CFAP251: variants seen among roughly 807,000 people sequenced by gnomAD.
The protein encoded by CFAP251 is cilia and flagella associated protein 251.
In CFAP251, 93 loss-of-function variants were observed where a neutral mutation model predicts 126.7. The observed-to-expected ratio is 0.73, with a 90% confidence interval of 0.62 to 0.87. CFAP251 has a LOEUF of 0.87. Among genes scored for constraint, CFAP251 ranks in the 40% least tolerant of loss-of-function variants. CFAP251 has a pLI of 0.00. For missense variants in CFAP251, 1,287 were observed against 1,389.2 expected (o/e 0.93, Z 1.17); for synonymous variants, 503 against 506.9 (o/e 0.99, Z 0.10).
At chr12:122,000,133 C>T (rs1185718610) in intron 20 of CFAP251, among the ~76,000 whole-genome samples, 189 bp downstream of exon 20, 4 of 152,276 alleles carry the variant, frequency 2.6e-5, no homozygotes, top group East Asian at 1.9e-4. Flanking sequence ...GGGAGGGACC[C>T]GGAGCTAGAA....
chr12:121,961,222 C>G lies in CFAP251; in HGVS notation c.2307+464C>G, dbSNP rs1271977367. Among the ~76,000 whole-genome samples the G allele has an allele frequency of 4.6e-5, 7 of 152,020 alleles. 1 individual carries two copies. The East Asian group carries it at 1.3e-3, about 29-fold the overall frequency. The stretch of plus-strand genomic sequence containing the variant: ...AAATGGATTCAACCAGTCATTGTAT[C>G]TGTCTGTTTTTCCTTCCTCCCTCCC... On this transcript the variant is annotated intron_variant, in intron 14 of 21. Coordinates refer to ENST00000288912, the MANE Select transcript of CFAP251 (RefSeq NM_144668.6).
At chr12:121,980,406 TTC>T (rs1882591468) in intron 19 of CFAP251, among the ~76,000 whole-genome samples, 1 of 146,022 alleles carries the variant, frequency 6.8e-6, no homozygotes, top group African/African-American at 2.7e-5. Context: ...TCTCACTTCC[TTC>T]TTTTTTTTTT....
chr12:121,928,646 ATATATATATACG>A (rs869308472), intron 3 of CFAP251, among the ~76,000 whole-genome samples: 28 of 20,870 alleles, frequency 1.3e-3, no homozygotes, highest in South Asian at 4.2e-3. Context: ...ACGTATATAT[ATATATATATACG>A]TATATATATA....
intron 17 of CFAP251, among the ~76,000 whole-genome samples, chr12:121,973,246 G>A (rs1400374551): frequency 1.3e-5 from 2 of 152,250 alleles, no homozygotes; most frequent in Admixed American, 6.5e-5. Context: ...CTTTCATGAC[G>A]TGTTGAGCCT....
chr12:121,984,863 G>A, intron 19 of CFAP251, among the ~76,000 whole-genome samples: 1 of 152,162 alleles, frequency 6.6e-6, no homozygotes, highest in East Asian at 1.9e-4. Context: ...ACAGGTTTGG[G>A]CAGGGAATTA....
intron 21 of CFAP251, among the ~76,000 whole-genome samples, chr12:122,002,811 G>A (rs1234643277): frequency 2.0e-5 from 3 of 152,154 alleles, no homozygotes; most frequent in Admixed American, 1.3e-4. Context: ...CCCGGGGATG[G>A]TCAGATCCCA....
At position 121,931,823 on chromosome 12, in the gene CFAP251, G is replaced by C. The variant is rs1437800662; in HGVS notation, c.825G>C (p.Leu275=). 1.2e-6 allele frequency: 2 copies of C among 1,606,728 alleles called. No homozygotes were observed. Among genetic ancestry groups the C allele is most frequent in the Non-Finnish European group, 1.7e-6 (2 of 1,177,050 alleles). Residue 275 remains leucine, a synonymous_variant, in exon 4 of 22, where the codon CTG becomes CTC. Coordinates refer to ENST00000288912, the MANE Select transcript of CFAP251 (RefSeq NM_144668.6). ...GAGAGGAAAGGCAGAGAGTTCTTCT[G>C]TATGTTTGTGCTCACACTGCGATCA... ...YIREERQRVL[L]YVCAHTAIIY...
intron 19 of CFAP251, among the ~76,000 whole-genome samples, chr12:121,993,831 T>C: frequency 8.4e-6 from 1 of 118,950 alleles, no homozygotes; most frequent in Non-Finnish European, 1.7e-5. Flanking sequence ...AGCCGCCCCG[T>C]CCGGGAGGGA....
rs1555219794 is a variant in CFAP251, at chr12:121,975,556, C to T, written c.2877C>T (p.Tyr959=). ...EGKFYRELED[Y]FYYSQLRSQG... is the part of the protein sequence containing the mutation. ...TTCCTACATAGGAGCTAGAAGACTA[C>T]TTCTACTATTCTCAGCTCCGCAGTC... The change falls in exon 19 of 22, where the codon TAC becomes TAT. Residue 959 remains tyrosine, a synonymous_variant. Coordinates refer to ENST00000288912, the MANE Select transcript of CFAP251 (RefSeq NM_144668.6). 1.9e-6 allele frequency: 3 copies of T among 1,608,610 alleles called. No homozygotes were observed. The Admixed American group carries it at 5.2e-5, about 28-fold the overall frequency.
At chr12:121,929,944 T>C (rs1334037654) in intron 3 of CFAP251, among the ~76,000 whole-genome samples, 1 of 152,062 alleles carries the variant, frequency 6.6e-6, no homozygotes, top group Non-Finnish European at 1.5e-5. Flanking sequence ...TCCCAAAGTG[T>C]TGGGATTACA....
chr12:121,968,596 A>G (rs939847595), intron 17 of CFAP251, among the ~76,000 whole-genome samples: 4 of 152,076 alleles, frequency 2.6e-5, no homozygotes, highest in Non-Finnish European at 4.4e-5. Flanking sequence ...GGAGAATTCT[A>G]GAGTTGAACA....
chr12:121,985,910 C>T (rs990224630), intron 19 of CFAP251, among the ~76,000 whole-genome samples: 2 of 152,170 alleles, frequency 1.3e-5, no homozygotes, highest in African/African-American at 2.4e-5. Context: ...ATTCCCAGCA[C>T]TTTATGAGGC....
intron 9 of CFAP251, among the ~76,000 whole-genome samples, chr12:121,952,070 CG>C (rs1881549050): frequency 1.3e-5 from 2 of 150,912 alleles, no homozygotes; most frequent in African/African-American, 4.9e-5. Flanking sequence ...AATATAAAAA[CG>C]TGATGGCTTT....
Position 121,989,404 on chromosome 12 carries a change from A to G in CFAP251, c.3007-10312A>G, listed in dbSNP as rs10840637. Among the ~76,000 whole-genome samples the G allele has an allele frequency of 0.33, 49,479 of 152,170 alleles. 10,219 individuals are homozygous for G. Among genetic ancestry groups the G allele is most frequent in the Non-Finnish European group, 0.47 (32,251 of 67,968 alleles). Reference sequence around the variant, plus strand: ...GTCCAGAGGGCAGAACTGTGCATGCATGCCCCACTCCTGGAAAAAGAGGCA... The same window carrying G: ...GTCCAGAGGGCAGAACTGTGCATGCGTGCCCCACTCCTGGAAAAAGAGGCA... On this transcript the variant is annotated intron_variant, in intron 19 of 21. Coordinates refer to ENST00000288912, the MANE Select transcript of CFAP251 (RefSeq NM_144668.6). The surrounding 1 kb of genome is among the most constrained non-coding windows in gnomAD (Gnocchi z 4.2).
Position 121,953,930 on chromosome 12 carries a change from T to C in CFAP251, c.1321-190T>C, listed in dbSNP as rs534320855. 1.2e-5 allele frequency: 7 copies of C among 607,744 alleles called. No homozygotes were observed. The African/African-American group carries it at 1.3e-4, about 11-fold the overall frequency. The allele number at this position is 607,744 out of a possible 1,614,324, so 37.6% of individuals were successfully genotyped here. Reference sequence around the variant, plus strand: ...AGAGTACATAACCCTTCACTTGCTCTTAGCAAACTTCCAGAGGTTCAGAAC... The same window carrying C: ...AGAGTACATAACCCTTCACTTGCTCCTAGCAAACTTCCAGAGGTTCAGAAC... On this transcript the variant is annotated intron_variant, in intron 9 of 21. Coordinates refer to ENST00000288912, the MANE Select transcript of CFAP251 (RefSeq NM_144668.6).
At chr12:121,948,901 A>T (rs76025563) in intron 7 of CFAP251, 83 bp from the exon 8 acceptor site, 3 of 803,398 alleles carry the variant, frequency 3.7e-6, no homozygotes, top group East Asian at 3.0e-5. Context: ...TGTTTTAATT[A>T]AAATTATTAT....
At position 121,996,841 on chromosome 12, in the gene CFAP251, G is replaced by A. The variant is rs1469544283; in HGVS notation, c.3007-2875G>A. On this transcript the variant is annotated intron_variant, in intron 19 of 21. Coordinates refer to ENST00000288912, the MANE Select transcript of CFAP251 (RefSeq NM_144668.6). ...GGAGTCACAGCTTTTATCTCTGATG[G>A]GAAGCTGTGCACACTCTAAAGTGAG... The A allele has an allele frequency of 4.6e-5, 7 of 152,242 alleles. No individual in the cohort carries two copies. The East Asian group carries it at 1.3e-3, about 29-fold the overall frequency. The allele number at this position is 152,242 out of a possible 1,614,324, so 9.4% of individuals were successfully genotyped here. A position where few individuals can be genotyped will look rare whatever the true frequency, so the allele number is the denominator to read the frequency against.
chr12:121,942,569 A>C lies in CFAP251; in HGVS notation c.1034A>C (p.Glu345Ala), dbSNP rs777831938. ...PVHTIFDSCP[E>A]GNGIMAMAMT... ...CACACAATATTTGACAGCTGCCCTG[A>C]AGGGAATGGCATCATGGCCATGGCC... Residue 345 changes from glutamate to alanine, a missense_variant, in exon 6 of 22, where the codon GAA (glutamate) becomes GCA (alanine). Coordinates refer to ENST00000288912, the MANE Select transcript of CFAP251 (RefSeq NM_144668.6). 14 of 1,613,934 alleles carry C rather than the reference A, an allele frequency of 8.7e-6. No individual in the cohort carries two copies. Among genetic ancestry groups the C allele is most frequent in the Admixed American group, 1.7e-5 (1 of 60,022 alleles).
At position 121,939,995 on chromosome 12, in the gene CFAP251, A is replaced by G. The variant is rs558753651; in HGVS notation, c.999-2539A>G. Among the ~76,000 whole-genome samples, 77 of 152,338 alleles carry G rather than the reference A, an allele frequency of 5.1e-4. 1 individual carries two copies. In the South Asian group the frequency reaches 8.9e-3, roughly 18 times the overall value. ...GATTAACAAACAAATCCTTCATGGTACTTAAGTAATTACTGCAAATCTAGT... is the reference window on the plus strand; with the variant it reads ...GATTAACAAACAAATCCTTCATGGTGCTTAAGTAATTACTGCAAATCTAGT... On this transcript the variant is annotated intron_variant, in intron 5 of 21. Transcript: ENST00000288912.
Sources: allele counts gnomAD v4.1 joint callset (sites outside exome capture counted in the v4.1 genomes callset), GRCh38; gene constraint gnomAD v4.1.1; non-coding constraint Gnocchi (gnomAD v3.1); transcripts MANE v1.5; gene names NCBI Gene and HGNC (gene_info 2026-07-23, HGNC 2026-07-21).